Variants in PIAS1 observed in about 807,000 individuals in gnomAD.
PIAS1 encodes E3 SUMO-protein ligase PIAS1.
Under a neutral mutation model 71.3 loss-of-function variants are expected in PIAS1, and 6 were observed. That is an observed-to-expected ratio of 0.08 (90% CI 0.05 to 0.17). PIAS1 has a LOEUF of 0.17. PIAS1 is among the 10% of genes least tolerant of loss of function. The pLI is 1.00. For synonymous variants in PIAS1, 303 were observed against 292.9 expected, an observed-to-expected ratio of 1.03 and a Z score of -0.35; for missense variants, 555 against 793.6, an observed-to-expected ratio of 0.70 and a Z score of 3.61.
chr15:68,089,025 T>C (rs1428369476), intron 2 of PIAS1, among the ~76,000 whole-genome samples: 2 of 152,232 alleles, frequency 1.3e-5, no homozygotes, highest in Admixed American at 1.3e-4. Flanking sequence ...CAACTATCAC[T>C]GAGTCCAGAA....
intron 2 of PIAS1, among the ~76,000 whole-genome samples, chr15:68,087,251 C>G (rs903531035): frequency 6.6e-6 from 1 of 152,118 alleles, no homozygotes; most frequent in East Asian, 1.9e-4. Context: ...GCATGCTTTA[C>G]AGGCATGCAC....
intron 10 of PIAS1, 41 bp downstream of exon 10, chr15:68,175,808 C>G: frequency 7.1e-7 from 1 of 1,418,080 alleles, no homozygotes; most frequent in African/African-American, 1.4e-5. Flanking sequence ...CTCCCTACTG[C>G]TCTAAGTCTG....
intron 7 of PIAS1, among the ~76,000 whole-genome samples, chr15:68,161,421 T>C (rs1021616245): frequency 1.3e-5 from 2 of 151,660 alleles, no homozygotes; most frequent in South Asian, 2.1e-4. Flanking sequence ...GGTAGGACCT[T>C]AAAAAATATC....
intron 1 of PIAS1, among the ~76,000 whole-genome samples, chr15:68,062,384 A>G (rs2091969515): frequency 1.3e-5 from 2 of 152,190 alleles, no homozygotes; most frequent in South Asian, 2.1e-4. Flanking sequence ...AACATATCCC[A>G]TTACAGTTCA....
At chr15:68,117,861 G>A (rs1215080333) in intron 2 of PIAS1, among the ~76,000 whole-genome samples, 1 of 152,166 alleles carries the variant, frequency 6.6e-6, no homozygotes, top group Non-Finnish European at 1.5e-5. Context: ...TCCTTTGGGT[G>A]TATATCCAGT....
At chr15:68,080,678 TTTG>T (rs1178109623) in intron 1 of PIAS1, among the ~76,000 whole-genome samples, 6 of 152,162 alleles carry the variant, frequency 3.9e-5, no homozygotes, top group Admixed American at 2.0e-4. Context: ...ATAAAATACT[TTTG>T]TTGTTGTGTG....
chr15:68,134,505 T>C (rs1305585891), intron 2 of PIAS1, among the ~76,000 whole-genome samples: 20 of 36,594 alleles, frequency 5.5e-4, no homozygotes, highest in East Asian at 1.6e-3. Flanking sequence ...CCCCCCCCAC[T>C]GCCCTCCCGG....
chr15:68,074,723 C>T (rs971807535), intron 1 of PIAS1, among the ~76,000 whole-genome samples: 13 of 152,028 alleles, frequency 8.6e-5, no homozygotes, highest in African/African-American at 2.9e-4. Flanking sequence ...GTCCTTTAGA[C>T]ATGGACAATT....
At chr15:68,151,924 C>T (rs1321000934) in intron 6 of PIAS1, among the ~76,000 whole-genome samples, 2 of 139,912 alleles carry the variant, frequency 1.4e-5, no homozygotes, top group Non-Finnish European at 3.0e-5. Flanking sequence ...ATGTTGTATG[C>T]TCTAAAATTT....
intron 11 of PIAS1, 133 bp downstream of exon 11, chr15:68,176,787 T>A: frequency 1.4e-6 from 1 of 690,998 alleles, no homozygotes; most frequent in Non-Finnish European, 2.3e-6. Context: ...GTTTGAATTT[T>A]TCCCAGGTTT....
chr15:68,076,950 A>G (rs1314736002), intron 1 of PIAS1, among the ~76,000 whole-genome samples: 1 of 152,202 alleles, frequency 6.6e-6, no homozygotes, highest in African/African-American at 2.4e-5. Flanking sequence ...GGTGTAGGAT[A>G]CAATTTTTCA....
intron 2 of PIAS1, among the ~76,000 whole-genome samples, chr15:68,107,511 T>C (rs1056219688): frequency 6.6e-6 from 1 of 152,240 alleles, no homozygotes; most frequent in Admixed American, 6.5e-5. Context: ...TGGGCAAATG[T>C]TAAGTGTCTA....
At position 68,086,707 on chromosome 15, in the gene PIAS1, A is replaced by T. The variant is rs778923422; in HGVS notation, c.426A>T (p.Pro142=). The change falls in exon 2 of 14, where the codon CCA becomes CCT. Residue 142 remains proline, a synonymous_variant. Transcript: ENST00000249636. The surrounding 1 kb of genome is among the most constrained non-coding windows in gnomAD (Gnocchi z 7.2). ...CGGATATAAAACTTCAAAAATTACC[A>T]TTTTATGATTTACTGGATGAACTGA... is the stretch of plus-strand genomic sequence containing the variant. ...VHPDIKLQKL[P]FYDLLDELIK... 1 of 1,613,110 alleles carries T rather than the reference A, an allele frequency of 6.2e-7. No individual in the cohort carries two copies. The highest frequency in any genetic ancestry group is 8.5e-7 in the Non-Finnish European group (1 of 1,179,106).
At chr15:68,098,019 A>C (rs1381334891) in intron 2 of PIAS1, among the ~76,000 whole-genome samples, 1 of 152,118 alleles carries the variant, frequency 6.6e-6, no homozygotes, top group Non-Finnish European at 1.5e-5. Flanking sequence ...CTTCCTTTGA[A>C]TATTATTCTA....
intron 9 of PIAS1, among the ~76,000 whole-genome samples, 152 bp from the exon 10 acceptor site, chr15:68,175,485 A>G (rs1260926401): frequency 1.3e-5 from 2 of 152,196 alleles, no homozygotes; most frequent in South Asian, 2.1e-4. Flanking sequence ...GTCATTTTTC[A>G]TGGTCACATG....
At chr15:68,155,891 A>G (rs964606402) in intron 7 of PIAS1, among the ~76,000 whole-genome samples, 6 of 152,166 alleles carry the variant, frequency 3.9e-5, no homozygotes, top group South Asian at 2.1e-4. Flanking sequence ...CCCCTCTCTC[A>G]GCACTCTGCC....
At chr15:68,166,634 A>G (rs1567072700) in intron 8 of PIAS1, among the ~76,000 whole-genome samples, 1 of 152,120 alleles carries the variant, frequency 6.6e-6, no homozygotes, top group Non-Finnish European at 1.5e-5. Flanking sequence ...TCTCACTTAA[A>G]AGTGTTTATA....
intron 2 of PIAS1, among the ~76,000 whole-genome samples, chr15:68,130,597 C>T (rs1238687962): frequency 1.4e-5 from 2 of 147,074 alleles, no homozygotes. Context: ...TTTCTGTATA[C>T]TACAAAATGT....
rs2092282774 is a variant in PIAS1 at position 68,086,493 on chromosome 15, C to T, written c.212C>T (p.Thr71Met). 2.5e-6 allele frequency: 4 copies of T among 1,613,888 alleles called. No homozygotes were observed. The highest frequency in any genetic ancestry group is 2.2e-5 in the East Asian group (1 of 44,878). ...YRRRFPQKIM[T>M]PADLSIPNVH... Reference sequence around the variant, plus strand: ...CGGCGGTTCCCACAGAAAATCATGACGCCTGCAGACTTGTCCATCCCCAAC... The same window carrying T: ...CGGCGGTTCCCACAGAAAATCATGATGCCTGCAGACTTGTCCATCCCCAAC... The change falls in exon 2 of 14, where the codon ACG becomes ATG. Residue 71 changes from threonine to methionine, a missense_variant. By Grantham distance (81) the Thr-to-Met change is moderately conservative. This residue lies in a region of PIAS1 where 80 missense variants were observed against 66.9 expected (regional missense o/e 1.20). Transcript: ENST00000249636. This position sits in a 1 kb window ranked among gnomAD's most constrained non-coding sequence, Gnocchi z 7.2.
Sources: allele counts gnomAD v4.1 joint callset (sites outside exome capture counted in the v4.1 genomes callset), GRCh38; gene constraint gnomAD v4.1.1; regional missense constraint gnomAD v4.1.1; non-coding constraint Gnocchi (gnomAD v3.1); transcripts MANE v1.5; gene names NCBI Gene and HGNC (gene_info 2026-07-23, HGNC 2026-07-21).